Variants in ARFGAP3 observed in about 807,000 individuals in gnomAD.
ARFGAP3 encodes the protein ADP-ribosylation factor GTPase-activating protein 3.
Under a neutral mutation model 75.0 loss-of-function variants are expected in ARFGAP3, and 72 were observed. The ratio of observed to expected loss-of-function variants is 0.96; its 90% confidence interval spans 0.79 to 1.17. The LOEUF is 1.17. ARFGAP3 is among the 50% of genes most tolerant of loss of function. ARFGAP3 has a pLI of 0.00. For missense variants in ARFGAP3, 620 were observed against 626.6 expected, an observed-to-expected ratio of 0.99 and a Z score of 0.11; for synonymous variants, 221 against 217.9, an observed-to-expected ratio of 1.01 and a Z score of -0.13.
At chr22:42,828,128 A>C (rs1267228101) in intron 6 of ARFGAP3, among the ~76,000 whole-genome samples, 1 of 151,856 alleles carries the variant, frequency 6.6e-6, no homozygotes, top group Non-Finnish European at 1.5e-5. Context: ...CTACTAAAAA[A>C]TACAAAGATG....
At chr22:42,828,556 C>CAA (rs796782607) in intron 6 of ARFGAP3, among the ~76,000 whole-genome samples, 12 of 137,758 alleles carry the variant, frequency 8.7e-5, no homozygotes, top group African/African-American at 2.4e-4. Context: ...AACTCTGTCT[C>CAA]AAAAAAAAAA....
chr22:42,852,725 T>C (rs1002486122), intron 1 of ARFGAP3, among the ~76,000 whole-genome samples: 1 of 152,160 alleles, frequency 6.6e-6, no homozygotes, highest in African/African-American at 2.4e-5. Context: ...ACAAATTATG[T>C]AGCTAGTCTT....
intron 2 of ARFGAP3, 108 bp downstream of exon 2, chr22:42,847,406 C>T: frequency 1.1e-6 from 1 of 921,638 alleles, no homozygotes; most frequent in Non-Finnish European, 1.7e-6. Flanking sequence ...GCCAAGGTGA[C>T]AGGCGACAAG....
intron 9 of ARFGAP3, among the ~76,000 whole-genome samples, chr22:42,819,211 T>TAA: frequency 6.6e-6 from 1 of 152,234 alleles, no homozygotes; most frequent in African/African-American, 2.4e-5. Context: ...CAGTTTGTTT[T>TAA]CCTTACTCTT....
chr22:42,802,286 C>G (rs926015099), intron 14 of ARFGAP3, among the ~76,000 whole-genome samples: 8 of 149,784 alleles, frequency 5.3e-5, no homozygotes, highest in Admixed American at 6.6e-5. Context: ...CTCAAAATAA[C>G]AATTTTTTTT....
At position 42,823,045 on chromosome 22, in the gene ARFGAP3, A is replaced by C. The variant is rs150746735; in HGVS notation, c.672+611T>G. On this transcript the variant is annotated intron_variant, in intron 8 of 15. Coordinates refer to ENST00000263245, the MANE Select transcript of ARFGAP3 (RefSeq NM_014570.5). ...GGCTGGTCTTGAACTCCGGGGCTCA[A>C]GTGATCCACCTGCCTCGGCCTCCCA... Among the ~76,000 whole-genome samples the C allele has an allele frequency of 3.1e-3, 470 of 152,194 alleles. 4 individuals are homozygous for C. Among genetic ancestry groups the C allele is most frequent in the African/African-American group, 0.011 (454 of 41,516 alleles).
At chr22:42,835,986 T>TC (rs1569162226) in intron 3 of ARFGAP3, among the ~76,000 whole-genome samples, 2 of 145,810 alleles carry the variant, frequency 1.4e-5, no homozygotes, top group Non-Finnish European at 1.5e-5. Context: ...CTTTCTTTTT[T>TC]TTTTTTTTTT....
In ARFGAP3 at chr22:42,835,433, G is replaced by A. The variant is rs376025653; in HGVS notation, c.322C>T (p.Arg108Cys). ...TTCTCCCTATAGAGCTGAGCAGCAC[G>A]ACTGTTGTACTTGGCATTGGTGTCA... ...TNDTNAKYNS[R>C]AAQLYREKIK... is the part of the protein sequence containing the mutation. The change falls in exon 4 of 16, where the codon CGT becomes TGT. Residue 108 changes from arginine (R) to cysteine (C), a missense_variant. By Grantham distance (180) the Arg-to-Cys change is radical. Transcript: ENST00000263245. The A allele has an allele frequency of 2.2e-5, 35 of 1,614,128 alleles. No homozygotes were observed. Among genetic ancestry groups the A allele is most frequent in the East Asian group, 6.7e-5 (3 of 44,888 alleles).
At chr22:42,814,025 G>A (rs936108914) in intron 11 of ARFGAP3, among the ~76,000 whole-genome samples, 3 of 152,100 alleles carry the variant, frequency 2.0e-5, no homozygotes, top group African/African-American at 7.2e-5. Context: ...TAGAGCTATA[G>A]ACAGTTGTCT....
intron 2 of ARFGAP3, among the ~76,000 whole-genome samples, chr22:42,843,082 C>A (rs1434168110): frequency 6.6e-6 from 1 of 151,998 alleles, no homozygotes; most frequent in South Asian, 2.1e-4. Flanking sequence ...TTTGCCTCCC[C>A]CCGACCCCCC....
intron 14 of ARFGAP3, among the ~76,000 whole-genome samples, chr22:42,805,091 C>A (rs1033728205): frequency 1.3e-5 from 2 of 152,106 alleles, no homozygotes; most frequent in African/African-American, 2.4e-5. Context: ...CACAGTTAGA[C>A]CCCGGCGGGG....
At chr22:42,814,127 T>C (rs1164709214) in intron 11 of ARFGAP3, among the ~76,000 whole-genome samples, 2 of 152,176 alleles carry the variant, frequency 1.3e-5, no homozygotes. Context: ...ACTGTTTATA[T>C]CCTAGAAATA....
chr22:42,824,924 TA>T (rs1354019014), intron 7 of ARFGAP3, among the ~76,000 whole-genome samples: 2 of 152,206 alleles, frequency 1.3e-5, no homozygotes, highest in African/African-American at 4.8e-5. Context: ...CCCCCACTTA[TA>T]AGTGAAAACA....
chr22:42,809,068 A>C (rs1391707632), intron 12 of ARFGAP3, 178 bp from the exon 13 acceptor site: 1 of 445,490 alleles, frequency 2.2e-6, no homozygotes, highest in Non-Finnish European at 3.0e-6. Flanking sequence ...CAAACGATAC[A>C]AAATTTGAAG....
intron 8 of ARFGAP3, among the ~76,000 whole-genome samples, chr22:42,823,044 A>T (rs1205959589): frequency 1.3e-5 from 2 of 152,140 alleles, no homozygotes; most frequent in Non-Finnish European, 2.9e-5. Flanking sequence ...TCCGGGGCTC[A>T]AGTGATCCAC....
chr22:42,807,337 G>T, intron 13 of ARFGAP3, 174 bp from the exon 14 acceptor site: 1 of 880,738 alleles, frequency 1.1e-6, no homozygotes, highest in Non-Finnish European at 1.4e-6. Context: ...CAAAGCTCAT[G>T]TTCTGCATGG....
chr22:42,840,970 T>G lies in ARFGAP3; in HGVS notation c.235A>C (p.Met79Leu). The G allele has an allele frequency of 4.3e-6, 7 of 1,614,214 alleles. No homozygotes were observed. The highest frequency in any genetic ancestry group is 5.9e-6 in the Non-Finnish European group (7 of 1,180,028). Residue 79 changes from methionine (M) to leucine (L), a missense_variant, in exon 3 of 16, where the codon ATG (methionine) becomes CTG (leucine). Physicochemically the swap from Met to Leu is conservative, Grantham distance 15 (BLOSUM62 2). Transcript: ENST00000263245. ...SNWSWFQLRC[M>L]QVGGNASASS... ...GCACTAGCGTTTCCTCCGACTTGCA[T>G]GCATCGCAACTGAAACCATGACCAG... is the stretch of plus-strand genomic sequence containing the variant.
intron 4 of ARFGAP3, among the ~76,000 whole-genome samples, chr22:42,834,691 C>T (rs1926443608): frequency 6.6e-6 from 1 of 152,052 alleles, no homozygotes; most frequent in Non-Finnish European, 1.5e-5. Context: ...AAAATTAGTC[C>T]TCGTGGTGTT....
intron 1 of ARFGAP3, among the ~76,000 whole-genome samples, chr22:42,850,149 G>C (rs1927211662): frequency 6.6e-6 from 1 of 152,136 alleles, no homozygotes; most frequent in Non-Finnish European, 1.5e-5. Flanking sequence ...CGTCGGAAGT[G>C]TGCTGGGCCC....
Sources: allele counts gnomAD v4.1 joint callset (sites outside exome capture counted in the v4.1 genomes callset), GRCh38; gene constraint gnomAD v4.1.1; transcripts MANE v1.5; gene names NCBI Gene and HGNC (gene_info 2026-07-23, HGNC 2026-07-21).